The following CDC42BPA variants were observed in gnomAD, a reference collection of about 807,000 sequenced individuals.
The protein encoded by CDC42BPA is CDC42 binding protein kinase alpha.
CDC42BPA carries 80 observed loss-of-function variants against 223.5 expected under a neutral mutation model. The ratio of observed to expected loss-of-function variants is 0.36; its 90% CI spans 0.30 to 0.43. The LOEUF is 0.43. CDC42BPA is among the 20% of genes least tolerant of loss of function. CDC42BPA has a pLI of 1.00. For missense variants in CDC42BPA, 1,743 were observed against 2,099.9 expected (o/e 0.83, Z 3.32); for synonymous variants, 694 against 718.6 (o/e 0.97, Z 0.55).
At chr1:227,202,365 G>A (rs1671935199) in intron 3 of CDC42BPA, among the ~76,000 whole-genome samples, 1 of 152,116 alleles carries the variant, frequency 6.6e-6, no homozygotes, top group Admixed American at 6.5e-5. Flanking sequence ...CCAACCTGAG[G>A]TTATGGTTTA....
chr1:227,145,028 T>C (rs1204761849), intron 8 of CDC42BPA, among the ~76,000 whole-genome samples: 1 of 152,198 alleles, frequency 6.6e-6, no homozygotes, highest in Non-Finnish European at 1.5e-5. Flanking sequence ...GTGTGGTATA[T>C]GTGACTTTAA....
intron 5 of CDC42BPA, among the ~76,000 whole-genome samples, chr1:227,186,188 T>C (rs1025498120): frequency 1.3e-5 from 2 of 152,138 alleles, no homozygotes. Flanking sequence ...AGCCCAGTCA[T>C]AGGGAGGCCG....
chr1:227,316,887 T>C, intron 1 of CDC42BPA, 118 bp downstream of exon 1: 1 of 736,388 alleles, frequency 1.4e-6, no homozygotes, highest in Non-Finnish European at 2.2e-6. Context: ...AACTAGTGTC[T>C]GTTTTTTTAT....
chr1:227,254,091 C>G lies in CDC42BPA; in HGVS notation c.243G>C (p.Lys81Asn), dbSNP rs1682631694. 1 of 1,600,342 alleles carries G rather than the reference C, an allele frequency of 6.2e-7. No individual in the cohort carries two copies. Among genetic ancestry groups the G allele is most frequent in the Non-Finnish European group, 8.5e-7 (1 of 1,171,436 alleles). ...CCCCAAAAGCTCCTCGACCAATCACCTTTAATATTTCAAAGTCTTCTCTAT... is the reference window on the plus strand; with the variant it reads ...CCCCAAAAGCTCCTCGACCAATCACGTTTAATATTTCAAAGTCTTCTCTAT... ...RLHREDFEIL[K>N]VIGRGAFGEV... Residue 81 changes from lysine (K) to asparagine (N), a missense_variant, in exon 2 of 37, where the codon AAG (lysine) becomes AAC (asparagine). Lys to Asn is a moderately conservative substitution (Grantham distance 94). Around this residue, in one of 6 missense-constraint regions of CDC42BPA, gnomAD observed 321 missense variants for 488.7 expected, o/e 0.66. Coordinates refer to ENST00000366766, the MANE Select transcript of CDC42BPA (RefSeq NM_001394014.1).
chr1:227,067,776 CTGACTA>C lies in CDC42BPA; in HGVS notation c.2904+1995_2904+2000del, dbSNP rs1235069701. On this transcript the variant is annotated intron_variant, in intron 21 of 36. Coordinates refer to ENST00000366766, the MANE Select transcript of CDC42BPA (RefSeq NM_001394014.1). ...GCAGAACATTATGCTAACTACTCTT[CTGACTA>C]TAAGTATCCTAACAAAACAGAAAGA... 6.6e-5 allele frequency among the ~76,000 whole-genome samples: 10 copies of C among 152,214 alleles called. No individual in the cohort carries two copies. The South Asian group carries it at 8.3e-4, about 13-fold the overall frequency.
In CDC42BPA at chr1:227,153,960, G is replaced by A. The variant is rs140974231; in HGVS notation, c.694-6401C>T. Reference sequence around the variant, plus strand: ...AAAAATCAGACAAGAACAATTTAAGGAAAAAAAATTATACTCCAGTCTGAG... The same window carrying A: ...AAAAATCAGACAAGAACAATTTAAGAAAAAAAAATTATACTCCAGTCTGAG... On this transcript the variant is annotated intron_variant, in intron 6 of 36. Transcript: ENST00000366766. 5.6e-3 allele frequency among the ~76,000 whole-genome samples: 853 copies of A among 151,626 alleles called. 3 individuals carry two copies. Among genetic ancestry groups the A allele is most frequent in the Middle Eastern group, 0.01 (3 of 292 alleles).
At chr1:227,285,064 C>A (rs1254365097) in intron 1 of CDC42BPA, among the ~76,000 whole-genome samples, 8 of 152,080 alleles carry the variant, frequency 5.3e-5, no homozygotes, top group Non-Finnish European at 8.8e-5. Flanking sequence ...GTCTACCCAG[C>A]CAGACACACA....
chr1:227,291,624 G>C (rs537900481), intron 1 of CDC42BPA, among the ~76,000 whole-genome samples: 1 of 152,058 alleles, frequency 6.6e-6, no homozygotes, highest in Non-Finnish European at 1.5e-5. Flanking sequence ...AAAGACTTTG[G>C]ATATTTGATA....
intron 1 of CDC42BPA, among the ~76,000 whole-genome samples, chr1:227,286,331 G>A (rs891097067): frequency 2.0e-5 from 3 of 152,136 alleles, no homozygotes; most frequent in East Asian, 3.8e-4. Context: ...AGTTAGTCTA[G>A]GTCATCACTC....
chr1:227,267,533 C>T (rs1041857663), intron 1 of CDC42BPA, among the ~76,000 whole-genome samples: 5 of 152,224 alleles, frequency 3.3e-5, no homozygotes, highest in Non-Finnish European at 5.9e-5. Context: ...AATATCTATA[C>T]CCATCAGACA....
intron 2 of CDC42BPA, among the ~76,000 whole-genome samples, chr1:227,249,617 A>T (rs1681604149): frequency 6.6e-6 from 1 of 152,206 alleles, no homozygotes; most frequent in Non-Finnish European, 1.5e-5. Context: ...CTGATAATCC[A>T]ATTTTTAAAA....
At chr1:227,309,376 G>C (rs1206385278) in intron 1 of CDC42BPA, among the ~76,000 whole-genome samples, 1 of 152,072 alleles carries the variant, frequency 6.6e-6, no homozygotes, top group African/African-American at 2.4e-5. Context: ...TGCCAAAATA[G>C]CACCAATTAT....
At chr1:227,299,673 A>T (rs1691290471) in intron 1 of CDC42BPA, among the ~76,000 whole-genome samples, 1 of 151,642 alleles carries the variant, frequency 6.6e-6, no homozygotes, top group Admixed American at 6.6e-5. Context: ...TACTATTTTG[A>T]TGTTTTTCCC....
At chr1:227,277,917 T>C (rs1040861454) in intron 1 of CDC42BPA, among the ~76,000 whole-genome samples, 1 of 151,988 alleles carries the variant, frequency 6.6e-6, no homozygotes, top group African/African-American at 2.4e-5. Context: ...GCCCGGCTAA[T>C]TTTTTGTATT....
chr1:227,229,085 CAT>C lies in CDC42BPA; in HGVS notation c.271-15868_271-15867del, dbSNP rs200545557. On this transcript the variant is annotated intron_variant, in intron 2 of 36. Coordinates refer to ENST00000366766, the MANE Select transcript of CDC42BPA (RefSeq NM_001394014.1). ...GAGATTTCGTGTCATATTTAAGAACCATTGCCTAAGCCAAGGTCACAAAAATT... is the reference window on the plus strand; with the variant it reads ...GAGATTTCGTGTCATATTTAAGAACCTGCCTAAGCCAAGGTCACAAAAATT... Among the ~76,000 whole-genome samples the C allele has an allele frequency of 4.5e-3, 678 of 152,180 alleles. 5 individuals are homozygous for C. Among genetic ancestry groups the C allele is most frequent in the African/African-American group, 0.016 (653 of 41,518 alleles).
At chr1:227,078,589 C>T (rs562475526) in intron 17 of CDC42BPA, among the ~76,000 whole-genome samples, 26 of 152,096 alleles carry the variant, frequency 1.7e-4, no homozygotes, top group Admixed American at 1.2e-3. Context: ...ACTCTAACGG[C>T]GGTGAGAAGA....
At chr1:227,245,282 ATCTTTTTT>A (rs1558857219) in intron 2 of CDC42BPA, among the ~76,000 whole-genome samples, 3 of 129,396 alleles carry the variant, frequency 2.3e-5, no homozygotes, top group African/African-American at 2.7e-5. Flanking sequence ...TTTGTCTTGC[ATCTTTTTT>A]TTTTTTTTTT....
At chr1:227,274,226 C>T (rs1011341299) in intron 1 of CDC42BPA, among the ~76,000 whole-genome samples, 1 of 152,042 alleles carries the variant, frequency 6.6e-6, no homozygotes, top group Admixed American at 6.6e-5. Context: ...CACATCTCCA[C>T]AAAAATTCTC....
At chr1:227,275,674 C>G (rs1450855959) in intron 1 of CDC42BPA, among the ~76,000 whole-genome samples, 8 of 151,672 alleles carry the variant, frequency 5.3e-5, no homozygotes, top group African/African-American at 1.9e-4. Context: ...ACTGTACTGC[C>G]GCCATCTCGG....
Sources: gnomAD v4.1 joint callset for allele counts (sites outside exome capture counted in the v4.1 genomes callset) on GRCh38, gnomAD v4.1.1 for gene constraint, gnomAD v4.1.1 regional missense constraint, MANE v1.5 for transcripts, NCBI Gene and HGNC (gene_info 2026-07-23, HGNC 2026-07-21) for gene names.